RIPOR2: variants seen among roughly 807,000 people sequenced by gnomAD.
RIPOR2 encodes RHO family interacting cell polarization regulator 2, also known as rho family-interacting cell polarization regulator 2.
In RIPOR2, 39 loss-of-function variants were observed where a neutral mutation model predicts 114.5. That is an observed-to-expected ratio of 0.34 (90% CI 0.26 to 0.44). RIPOR2 has a LOEUF of 0.44. RIPOR2 is among the 20% of genes least tolerant of loss of function. RIPOR2 has a pLI of 1.00. For synonymous variants in RIPOR2, 445 were observed against 484.4 expected (o/e 0.92, Z 1.07); for missense variants, 1,007 against 1,255.1 (o/e 0.80, Z 2.99).
chr6:25,027,725 C>T (rs1434108874), intron 1 of RIPOR2, among the ~76,000 whole-genome samples: 2 of 152,218 alleles, frequency 1.3e-5, no homozygotes, highest in South Asian at 2.1e-4. Flanking sequence ...CCTGCCCCAC[C>T]CTCTTCTCTA....
Position 24,839,222 on chromosome 6 carries a change from A to G in RIPOR2, c.1908T>C (p.Val636=). 2 of 1,551,908 alleles carry G rather than the reference A, an allele frequency of 1.3e-6. No individual in the cohort carries two copies. The highest frequency in any genetic ancestry group is 1.7e-6 in the Non-Finnish European group (2 of 1,147,012). Reference sequence around the variant, plus strand: ...AATCAAAGCTTTCTAAAGCACTTTCAACTGTGAGACTTAAACTGGAAGACC... The same window carrying G: ...AATCAAAGCTTTCTAAAGCACTTTCGACTGTGAGACTTAAACTGGAAGACC... ...RSRSSSLSLT[V]ESALESFDFL... is the part of the protein sequence containing the mutation. Residue 636 remains valine (V), a synonymous_variant, in exon 14 of 22, where the codon GTT becomes GTC. Transcript: ENST00000643898.
chr6:24,807,252 A>G (rs1411218288), intron 21 of RIPOR2, among the ~76,000 whole-genome samples: 1 of 152,096 alleles, frequency 6.6e-6, no homozygotes, highest in East Asian at 1.9e-4. Flanking sequence ...GGATCACTTG[A>G]GGTCACGAGT....
chr6:25,029,010 C>G (rs1395612074), intron 1 of RIPOR2, among the ~76,000 whole-genome samples: 2 of 151,984 alleles, frequency 1.3e-5, no homozygotes, highest in Non-Finnish European at 2.9e-5. Context: ...TGACGAGGGC[C>G]GGGTATGGTG....
chr6:24,854,362 C>G lies in RIPOR2; in HGVS notation c.716-1744G>C, dbSNP rs553887507. Among the ~76,000 whole-genome samples the G allele has an allele frequency of 2.6e-5, 4 of 152,238 alleles. No homozygotes were observed. The East Asian group carries it at 7.7e-4, about 29-fold the overall frequency. ...ACAGTAAAATGAAGACATGGGTGTA[C>G]AGATACTTCCAGGCTGAGTGAATGG... On this transcript the variant is annotated intron_variant, in intron 8 of 21. Coordinates refer to ENST00000643898, the MANE Select transcript of RIPOR2 (RefSeq NM_001286445.3).
rs560974811 is a variant in RIPOR2 at position 24,976,353 on chromosome 6, T to A, written c.76+65498A>T. On this transcript the variant is annotated intron_variant, in intron 1 of 13. Coordinates refer to the RIPOR2 transcript ENST00000510784. ...AATGACTAAATTATTCTAGAAAATA[T>A]GATATTAAGAAACGAGAAAAGGCTT... The A allele has an allele frequency of 3.0e-6, 3 of 1,015,152 alleles. No homozygotes were observed. In the East Asian group the frequency reaches 7.2e-5, roughly 24 times the overall value. 62.9% of individuals were successfully genotyped at this position (1,015,152 alleles called of 1,614,324 possible).
At chr6:24,875,963 G>A in intron 1 of RIPOR2, 146 bp from the exon 2 acceptor site, 1 of 738,768 alleles carries the variant, frequency 1.4e-6, no homozygotes, top group East Asian at 2.8e-5. Context: ...GTGTCCTGAA[G>A]ACGAAGGGTT....
rs764313385 is a variant in RIPOR2 at position 24,872,913 on chromosome 6, G to T, written c.391C>A (p.Gln131Lys). The change falls in exon 4 of 22, where the codon CAG becomes AAG. Residue 131 changes from glutamine to lysine, a missense_variant. Coordinates refer to ENST00000643898, the MANE Select transcript of RIPOR2 (RefSeq NM_001286445.3). ...GAGTTTCTTTTCATATCTTTTAACT[G>T]AGCTGTCAACTTGTCCAGCTCCGTC... is the stretch of plus-strand genomic sequence containing the variant. ...HQTELDKLTA[Q>K]LKDMKRNSRL... 1.6e-5 allele frequency: 26 copies of T among 1,611,942 alleles called. No homozygotes were observed. The highest frequency in any genetic ancestry group is 2.1e-5 in the Non-Finnish European group (25 of 1,178,552).
Position 25,022,532 on chromosome 6 carries a change from A to ATT in RIPOR2, c.76+19317_76+19318dup, listed in dbSNP as rs10564019. On this transcript the variant is annotated intron_variant, in intron 1 of 13. Transcript: ENST00000510784. ...ACATATAACTAATGTGGTACCTTCCATTTTTTTTTTTTTTTTTTTTTTTTT... is the reference window on the plus strand; with the variant it reads ...ACATATAACTAATGTGGTACCTTCCATTTTTTTTTTTTTTTTTTTTTTTTTTT... 6.4e-3 allele frequency among the ~76,000 whole-genome samples: 262 copies of ATT among 40,968 alleles called. 49 individuals are homozygous for ATT. The highest frequency in any genetic ancestry group is 0.01 in the Non-Finnish European group (209 of 20,694). The allele number at this position is 40,968 out of a possible 152,430, so 26.9% of individuals were successfully genotyped here. A position where few individuals can be genotyped will look rare whatever the true frequency, so the allele number is the denominator to read the frequency against.
At chr6:24,990,764 TTAG>T (rs1219817522) in intron 1 of RIPOR2, among the ~76,000 whole-genome samples, 1 of 152,226 alleles carries the variant, frequency 6.6e-6, no homozygotes, top group Non-Finnish European at 1.5e-5. Flanking sequence ...AGTAAAGTAC[TTAG>T]TAGAGCACGT....
intron 1 of RIPOR2, among the ~76,000 whole-genome samples, chr6:24,999,221 G>T (rs1310043691): frequency 6.6e-6 from 1 of 152,162 alleles, no homozygotes; most frequent in African/African-American, 2.4e-5. Context: ...AGACTGACTG[G>T]ACCCAACATG....
rs535044075 is a variant in RIPOR2 at position 24,864,341 on chromosome 6, T to A, written c.651+960A>T. On this transcript the variant is annotated intron_variant, in intron 7 of 21. Transcript: ENST00000643898. ...CAAGACTCTATCTCTCAAAAAATAA[T>A]AAAAAAATTATTCTAAAGGAGGAAC... is the stretch of plus-strand genomic sequence containing the variant. 2.8e-3 allele frequency among the ~76,000 whole-genome samples: 420 copies of A among 151,970 alleles called. 3 individuals carry two copies. Among genetic ancestry groups the A allele is most frequent in the African/African-American group, 9.2e-3 (381 of 41,432 alleles).
intron 1 of RIPOR2, among the ~76,000 whole-genome samples, chr6:24,896,023 T>TA (rs1215676389): frequency 6.6e-6 from 1 of 151,942 alleles, no homozygotes; most frequent in Non-Finnish European, 1.5e-5. Flanking sequence ...AATAAAAAAA[T>TA]AAAAAAGAAC....
At chr6:25,003,423 T>TATC (rs201922956) in intron 1 of RIPOR2, among the ~76,000 whole-genome samples, 12,976 of 137,702 alleles carry the variant, frequency 0.094, 1,462 homozygotes, top group Middle Eastern at 0.21. Context: ...TTATTATTAT[T>TATC]ATCATCTCCT....
chr6:24,955,476 T>A (rs1310034244), intron 1 of RIPOR2, among the ~76,000 whole-genome samples: 1 of 144,306 alleles, frequency 6.9e-6, no homozygotes, highest in Non-Finnish European at 1.5e-5. Flanking sequence ...TCACAATTTT[T>A]AAAAAAGATC....
chr6:24,949,316 C>A (rs963953226), intron 1 of RIPOR2, among the ~76,000 whole-genome samples: 1 of 152,110 alleles, frequency 6.6e-6, no homozygotes, highest in African/African-American at 2.4e-5. Context: ...GAAGCAAAAC[C>A]CAGAACTCAA....
intron 1 of RIPOR2, among the ~76,000 whole-genome samples, chr6:25,010,541 A>G (rs1467332650): frequency 1.3e-5 from 2 of 152,238 alleles, no homozygotes; most frequent in African/African-American, 4.8e-5. Flanking sequence ...GTGTCCTTCA[A>G]GAGATTCAAG....
At chr6:25,042,031 T>A, upstream of RIPOR2, 1 of 482,098 alleles carries the variant, frequency 2.1e-6, no homozygotes, top group Non-Finnish European at 3.6e-6. Context: ...AAAAGAAAAC[T>A]TAACCCCCCC....
chr6:24,817,986 T>TTTTTTTTTTTTTTTTG (rs1187067851), intron 20 of RIPOR2, among the ~76,000 whole-genome samples: 1 of 147,614 alleles, frequency 6.8e-6, no homozygotes. Flanking sequence ...CTCTTTTTTT[T>TTTTTTTTTTTTTTTTG]TGAGACAGAG....
In RIPOR2 at chr6:24,848,006, G is replaced by A; in HGVS notation, c.1164+19C>T. On this transcript the variant is annotated intron_variant, in intron 12 of 21. Coordinates refer to ENST00000643898, the MANE Select transcript of RIPOR2 (RefSeq NM_001286445.3). The stretch of plus-strand genomic sequence containing the variant: ...GCTCAGGTGCATTGATTCTACTCGG[G>A]AAATTACACTGAACTTACAAAGAAG... 1 of 1,613,832 alleles carries A rather than the reference G, an allele frequency of 6.2e-7. No individual in the cohort carries two copies. The highest frequency in any genetic ancestry group is 1.1e-5 in the South Asian group (1 of 91,048).
Sources: gnomAD v4.1 joint callset for allele counts (sites outside exome capture counted in the v4.1 genomes callset) on GRCh38, gnomAD v4.1.1 for gene constraint, MANE v1.5 for transcripts, NCBI Gene and HGNC (gene_info 2026-07-23, HGNC 2026-07-21) for gene names.